GAGE10: variants seen among roughly 807,000 people sequenced by gnomAD.
The protein encoded by GAGE10 is G antigen 10.
In GAGE10, 9 loss-of-function variants were observed where a neutral mutation model predicts 11.5. That is an observed-to-expected ratio of 0.78 (90% confidence interval 0.47 to 1.37). The LOEUF (loss-of-function observed/expected upper bound fraction) is 1.37. GAGE10 is among the 40% of genes most tolerant of loss of function. GAGE10 has a pLI of 0.00. For missense variants in GAGE10, 83 were observed against 92.9 expected (o/e 0.89, Z 0.44); for synonymous variants, 23 against 29.7 (o/e 0.77, Z 0.73).
chrX:49,312,063 G>C (rs782193635), intron 3 of GAGE10, among the ~76,000 whole-genome samples: 1 of 112,456 alleles, frequency 8.9e-6, no homozygotes, highest in East Asian at 2.8e-4. Flanking sequence ...TGGAATGATG[G>C]TGGGTTGCCT....
intron 3 of GAGE10, among the ~76,000 whole-genome samples, chrX:49,315,125 A>G (rs782428101): frequency 3.0e-4 from 34 of 111,926 alleles, no homozygotes; most frequent in Middle Eastern, 4.7e-3. Flanking sequence ...AGAGGCTCCA[A>G]ATGCTTGGAA....
In GAGE10 at chrX:49,317,213, T is replaced by G; in HGVS notation, c.253T>G (p.Cys85Gly). The G allele has an allele frequency of 8.3e-7, 1 of 1,207,135 alleles. No individual in the cohort carries two copies. The highest frequency in any genetic ancestry group is 1.1e-6 in the Non-Finnish European group (1 of 892,366). ...SQEQVHPKTG[C>G]ECGDGPDGQE... is the part of the protein sequence containing the mutation. ...GGAACAGGTTCACCCAAAGACTGGG[T>G]GTGAGTGTGGAGATGGTCCTGATGG... Residue 85 changes from cysteine (C) to glycine (G), a missense_variant, in exon 4 of 5, where the codon TGT becomes GGT. This residue lies in a region of GAGE10 where 66 missense variants were observed against 35.4 expected (regional missense o/e 1.87). Coordinates refer to ENST00000407599, the MANE Select transcript of GAGE10 (RefSeq NM_001098413.4).
intron 4 of GAGE10, among the ~76,000 whole-genome samples, chrX:49,318,483 C>T (rs5906787): frequency 2.7e-5 from 2 of 72,949 alleles, no homozygotes. Flanking sequence ...TTTTTGTTTT[C>T]ATTTTTGTAG....
intron 3 of GAGE10, among the ~76,000 whole-genome samples, chrX:49,308,230 A>G (rs1189133540): frequency 1.7e-4 from 19 of 110,783 alleles, no homozygotes; most frequent in Non-Finnish European, 3.6e-4. Flanking sequence ...TTCCTCCTCA[A>G]CCCCTCGGTC....
intron 1 of GAGE10, among the ~76,000 whole-genome samples, chrX:49,304,091 G>A (rs1292064094): frequency 1.8e-5 from 2 of 111,885 alleles, no homozygotes; most frequent in Non-Finnish European, 3.8e-5. Flanking sequence ...ATGGAAGTCC[G>A]GAGGTGCCAG....
chrX:49,313,488 TAGG>T (rs1409476829), intron 3 of GAGE10, among the ~76,000 whole-genome samples: 1 of 111,486 alleles, frequency 9.0e-6, no homozygotes, highest in Non-Finnish European at 1.9e-5. Flanking sequence ...AGTTAACCCT[TAGG>T]AGACAGATGC....
intron 3 of GAGE10, 50 bp from the exon 4 acceptor site, chrX:49,317,113 C>A: frequency 8.9e-7 from 1 of 1,126,146 alleles, no homozygotes; most frequent in Non-Finnish European, 1.2e-6. Flanking sequence ...TTTTCTTATT[C>A]ATATTTCATG....
chrX:49,319,071 G>T (rs879983922), intron 4 of GAGE10, among the ~76,000 whole-genome samples: 2 of 111,698 alleles, frequency 1.8e-5, no homozygotes, highest in African/African-American at 6.5e-5. Flanking sequence ...AGTCCTTTGG[G>T]TATATACCCA....
intron 3 of GAGE10, among the ~76,000 whole-genome samples, chrX:49,312,340 T>G (rs1427740370): frequency 1.8e-5 from 2 of 112,763 alleles, no homozygotes; most frequent in Non-Finnish European, 3.8e-5. Flanking sequence ...GGGAAGAAAG[T>G]AAACATATGT....
chrX:49,313,596 G>A, intron 3 of GAGE10, among the ~76,000 whole-genome samples: 1 of 111,785 alleles, frequency 8.9e-6, no homozygotes, highest in Non-Finnish European at 1.9e-5. Context: ...ATAAGCCAGA[G>A]GACTCTGTCT....
At chrX:49,312,210 T>A (rs781988013) in intron 3 of GAGE10, among the ~76,000 whole-genome samples, 43 of 112,228 alleles carry the variant, frequency 3.8e-4, no homozygotes, top group African/African-American at 1.4e-3. Flanking sequence ...TGAGGTGTGA[T>A]ATGCAGGGTA....
At chrX:49,317,394 C>A (rs2066397305) in intron 4 of GAGE10, 106 bp downstream of exon 4, 1 of 1,078,921 alleles carries the variant, frequency 9.3e-7, no homozygotes, top group East Asian at 3.4e-5. Flanking sequence ...GTCCACCAGG[C>A]TGGAGTGCAG....
chrX:49,306,610 T>C (rs782677619), intron 3 of GAGE10, among the ~76,000 whole-genome samples: 70 of 111,880 alleles, frequency 6.3e-4, no homozygotes, highest in Non-Finnish European at 1.1e-3. Flanking sequence ...TGAGATTTCT[T>C]AGCTGATGCA....
intron 2 of GAGE10, among the ~76,000 whole-genome samples, 168 bp downstream of exon 2, chrX:49,305,108 A>C (rs1346454493): frequency 1.1e-4 from 12 of 112,079 alleles, no homozygotes; most frequent in South Asian, 3.6e-4. Context: ...TTTTTCCTCT[A>C]GTGTTCTTCA....
At chrX:49,312,213 G>T (rs1467745297) in intron 3 of GAGE10, among the ~76,000 whole-genome samples, 1 of 112,249 alleles carries the variant, frequency 8.9e-6, no homozygotes, top group Non-Finnish European at 1.9e-5. Flanking sequence ...GGTGTGATAT[G>T]CAGGGTATGC....
intron 3 of GAGE10, among the ~76,000 whole-genome samples, chrX:49,314,227 A>T (rs1835100683): frequency 8.9e-6 from 1 of 112,211 alleles, no homozygotes; most frequent in Admixed American, 9.5e-5. Flanking sequence ...AAAAAATACC[A>T]TAGTTAAAAT....
At chrX:49,316,855 A>G (rs782046180) in intron 3 of GAGE10, among the ~76,000 whole-genome samples, 2 of 111,166 alleles carry the variant, frequency 1.8e-5, no homozygotes, top group Admixed American at 1.9e-4. Flanking sequence ...GCTGTGAGAG[A>G]CAGGATTTCA....
intron 3 of GAGE10, among the ~76,000 whole-genome samples, chrX:49,311,570 T>C (rs1278993237): frequency 8.9e-6 from 1 of 111,918 alleles, no homozygotes; most frequent in Non-Finnish European, 1.9e-5. Flanking sequence ...AAGGCCCTTA[T>C]ATGAGGCTAC....
At chrX:49,309,385 A>T (rs1175491445) in intron 3 of GAGE10, among the ~76,000 whole-genome samples, 1 of 112,264 alleles carries the variant, frequency 8.9e-6, no homozygotes, top group Non-Finnish European at 1.9e-5. Flanking sequence ...ACTACAGAGA[A>T]ATTGGCCATG....
Sources: allele counts gnomAD v4.1 joint callset (sites outside exome capture counted in the v4.1 genomes callset), GRCh38; gene constraint gnomAD v4.1.1; regional missense constraint gnomAD v4.1.1; transcripts MANE v1.5; gene names NCBI Gene and HGNC (gene_info 2026-07-23, HGNC 2026-07-21).